Variants in KDM5C observed in about 807,000 individuals in gnomAD.
The protein encoded by KDM5C is lysine demethylase 5C.
Under a neutral mutation model 110.6 loss-of-function variants are expected in KDM5C, and 16 were observed. The ratio of observed to expected loss-of-function variants is 0.14; its 90% CI spans 0.10 to 0.22. The LOEUF is 0.22. Among genes scored for constraint, KDM5C ranks in the 10% least tolerant of loss-of-function variants. KDM5C has a pLI of 1.00. For missense variants in KDM5C, 681 were observed against 1,300.9 expected (o/e 0.52, Z 7.33); for synonymous variants, 511 against 520.4 (o/e 0.98, Z 0.24).
chrX:53,197,984 G>A (rs1232390457), intron 17 of KDM5C, 108 bp from the exon 18 acceptor site: 8 of 627,084 alleles, frequency 1.3e-5, no homozygotes, highest in Admixed American at 7.9e-5. Context: ...CCTTGATCTC[G>A]CATATTTCAA....
At chrX:53,193,973 G>A (rs1406283559) in intron 23 of KDM5C, 122 bp from the exon 24 acceptor site, 2 of 942,748 alleles carry the variant, frequency 2.1e-6, no homozygotes, top group Admixed American at 2.6e-5. Flanking sequence ...GACACAGGCT[G>A]CCAGCAGGGA....
At chrX:53,179,696 A>G (rs1238352327) in intron 25 of KDM5C, among the ~76,000 whole-genome samples, 1 of 112,052 alleles carries the variant, frequency 8.9e-6, no homozygotes, top group Admixed American at 9.5e-5. Context: ...GCTCCACATC[A>G]TATGTCATTA....
intron 8 of KDM5C, chrX:53,214,334 C>T (rs782598910): frequency 3.3e-5 from 6 of 183,889 alleles, no homozygotes; most frequent in Non-Finnish European, 5.0e-5. Flanking sequence ...CTTAATATTC[C>T]TATCCTTCAA....
chrX:53,195,131 TC>T, intron 21 of KDM5C, 63 bp from the exon 22 acceptor site: 12 of 1,177,852 alleles, frequency 1.0e-5, no homozygotes, highest in Non-Finnish European at 1.1e-5. Flanking sequence ...CCTCCTTCCC[TC>T]CCTGGTGCCC....
intron 12 of KDM5C, among the ~76,000 whole-genome samples, chrX:53,204,170 C>A (rs1262968358): frequency 9.1e-6 from 1 of 109,648 alleles, no homozygotes; most frequent in Admixed American, 9.8e-5. Context: ...GGTGATCTAG[C>A]TAAGCCATTT....
At chrX:53,197,154 G>A (rs782712415) in intron 18 of KDM5C, 110 bp from the exon 19 acceptor site, 132 of 587,122 alleles carry the variant, frequency 2.2e-4, no homozygotes, top group Non-Finnish European at 3.4e-4. Context: ...AGCTTTTGGG[G>A]CAAAGGAGCC....
intron 12 of KDM5C, among the ~76,000 whole-genome samples, chrX:53,206,819 G>A (rs187207621): frequency 0.014 from 1,084 of 79,020 alleles, 7 homozygotes; most frequent in African/African-American, 0.028. Flanking sequence ...AGCCGAGATC[G>A]CACCACTGCA....
downstream of KDM5C, among the ~76,000 whole-genome samples, chrX:53,190,689 T>TA (rs1934380402): frequency 9.0e-6 from 1 of 111,617 alleles, no homozygotes; most frequent in African/African-American, 3.3e-5. Flanking sequence ...TCCTTACTTG[T>TA]ATAGCCTAGG....
At position 53,192,897 on chromosome X, in the gene KDM5C, G is replaced by A; in HGVS notation, c.*70C>T. On this transcript the variant is annotated 3_prime_UTR_variant, in exon 26 of 26. Transcript: ENST00000375401. ...CGCCCACCCCCCAAGAAGCAGGCTT[G>A]ATGGTCAGAAAGAGGATCCTTGAGG... 1.0e-6 allele frequency: 1 copy of A among 991,743 alleles called. No homozygotes were observed. The highest frequency in any genetic ancestry group is 2.5e-5 in the South Asian group (1 of 40,530). 81.7% of individuals were successfully genotyped at this position (991,743 alleles called of 1,213,427 possible).
rs2146812324 is a variant in KDM5C, at chrX:53,193,177, C to T, written c.4473G>A (p.Glu1491=). 4 of 1,210,732 alleles carry T rather than the reference C, an allele frequency of 3.3e-6. No homozygotes were observed. The highest frequency in any genetic ancestry group is 4.5e-6 in the Non-Finnish European group (4 of 895,285). The change falls in exon 26 of 26, where the codon GAG becomes GAA. Residue 1491 remains glutamate, a synonymous_variant. Transcript: ENST00000375401. The part of the protein sequence containing the change: ...RVRSSGPEAE[E]VQEEEELEEE... ...CCTCCAGCTCTTCCTCCTCCTGGAC[C>T]TCCTCAGCCTCTGGCCCTGAGCTCC... is the stretch of plus-strand genomic sequence containing the variant.
chrX:53,185,684 G>C (rs1433153423), intron 25 of KDM5C, among the ~76,000 whole-genome samples: 2 of 111,954 alleles, frequency 1.8e-5, no homozygotes, highest in Non-Finnish European at 3.8e-5. Context: ...CAGAGCCATA[G>C]CAATAATCAG....
At chrX:53,182,974 T>TA (rs1934109401) in intron 25 of KDM5C, among the ~76,000 whole-genome samples, 1 of 111,475 alleles carries the variant, frequency 9.0e-6, no homozygotes, top group African/African-American at 3.3e-5. Context: ...TTTTAGGACT[T>TA]AAATTTAGGT....
chrX:53,219,646 C>T (rs1435170684), intron 2 of KDM5C, among the ~76,000 whole-genome samples: 16 of 112,544 alleles, frequency 1.4e-4, no homozygotes, highest in Non-Finnish European at 2.6e-4. Flanking sequence ...TTAGGGGGAA[C>T]AAAGACAGCT....
chrX:53,201,812 C>T (rs1441703285), intron 13 of KDM5C, 42 bp downstream of exon 13: 6 of 1,209,838 alleles, frequency 5.0e-6, no homozygotes, highest in East Asian at 3.0e-5. Context: ...TCTCTACAAC[C>T]CTCCTGCTTC....
intron 25 of KDM5C, among the ~76,000 whole-genome samples, chrX:53,185,796 A>G (rs1352610782): frequency 8.9e-6 from 1 of 111,932 alleles, no homozygotes; most frequent in Non-Finnish European, 1.9e-5. Context: ...TATAACCCCA[A>G]TAATCTTCTA....
At chrX:53,208,359 A>C (rs1556846784) in intron 12 of KDM5C, among the ~76,000 whole-genome samples, 1 of 106,277 alleles carries the variant, frequency 9.4e-6, no homozygotes, top group African/African-American at 3.4e-5. Flanking sequence ...AAAAGCGGTA[A>C]GGACTAAACA....
intron 4 of KDM5C, 90 bp downstream of exon 4, chrX:53,217,706 C>T (rs2073787497): frequency 2.0e-6 from 2 of 997,767 alleles, no homozygotes; most frequent in African/African-American, 3.8e-5. Flanking sequence ...TCCCAGGTCT[C>T]CAGTCCACTA....
At chrX:53,189,917 G>A (rs782788308), downstream of KDM5C, among the ~76,000 whole-genome samples, 1 of 112,506 alleles carries the variant, frequency 8.9e-6, no homozygotes, top group Non-Finnish European at 1.9e-5. Flanking sequence ...GGGTTCAGTT[G>A]GGCCTGAAGG....
chrX:53,194,849 C>A lies in KDM5C; in HGVS notation c.3438+82G>T. 4.2e-6 allele frequency: 5 copies of A among 1,192,337 alleles called. No homozygotes were observed. In the South Asian group the frequency reaches 7.2e-5, roughly 17 times the overall value. ...ACCAGGAGAACTGAGGCTCAGGGGA[C>A]AAGCGGTCTGCTCATGGCCACCCAG... On this transcript the variant is annotated intron_variant, in intron 22 of 25. Transcript: ENST00000375401.
Sources: gnomAD v4.1 joint callset for allele counts (sites outside exome capture counted in the v4.1 genomes callset) on GRCh38, gnomAD v4.1.1 for gene constraint, MANE v1.5 for transcripts, NCBI Gene and HGNC (gene_info 2026-07-23, HGNC 2026-07-21) for gene names.